GPR149: variants seen among roughly 807,000 people sequenced by gnomAD.
GPR149 encodes the protein G protein-coupled receptor 149.
A neutral mutation model predicts 50.2 loss-of-function variants in GPR149; 50 were observed. That is an observed-to-expected ratio of 1.00 (90% CI 0.79 to 1.26). The LOEUF (loss-of-function observed/expected upper bound fraction) is 1.26, where lower values mean the gene tolerates loss of function less well. Among genes scored for constraint, GPR149 ranks in the 50% most tolerant of loss-of-function variants. The pLI, the probability that GPR149 is intolerant of heterozygous loss-of-function variation, is 0.00. For missense variants in GPR149, 983 were observed against 895.4 expected (o/e 1.10, Z -1.25); for synonymous variants, 405 against 358.2 (o/e 1.13, Z -1.48).
In GPR149 at chr3:154,428,672, A is replaced by C. The variant is rs1356828383; in HGVS notation, c.944T>G (p.Leu315Arg). The change falls in exon 1 of 4, where the codon CTA becomes CGA. Residue 315 changes from leucine to arginine, a missense_variant. Leu to Arg is a moderately radical substitution (Grantham distance 102, BLOSUM62 -2). Coordinates refer to ENST00000389740, the MANE Select transcript of GPR149 (RefSeq NM_001038705.3). ...SVAQKRFALI[L>R]ALTKVVLWLP... ...CCAAAGGACGACTTTTGTAAGCGCT[A>C]GGATCAAAGCGAAGCGCTTCTGCGC... 2.5e-6 allele frequency: 4 copies of C among 1,613,358 alleles called. No individual in the cohort carries two copies. Among genetic ancestry groups the C allele is most frequent in the Non-Finnish European group, 2.5e-6 (3 of 1,179,868 alleles).
At position 154,429,999 on chromosome 3, in the gene GPR149, A is replaced by T. The variant is rs1712439938; in HGVS notation, c.-384T>A. On this transcript the variant is annotated 5_prime_UTR_variant, in exon 1 of 4. It adds an upstream start codon to the 5' untranslated region. Transcript: ENST00000389740. ...CCTTTGGGGTCCTTCTTATGGAGCAAAGCAGCTTGTAGCTTGAGATAATCA... is the reference window on the plus strand; with the variant it reads ...CCTTTGGGGTCCTTCTTATGGAGCATAGCAGCTTGTAGCTTGAGATAATCA... Among the ~76,000 whole-genome samples, 1 of 152,166 alleles carries T rather than the reference A, an allele frequency of 6.6e-6. No individual in the cohort carries two copies. Among genetic ancestry groups the T allele is most frequent in the African/African-American group, 2.4e-5 (1 of 41,452 alleles).
chr3:154,397,605 T>C (rs977637102), intron 3 of GPR149, among the ~76,000 whole-genome samples: 1 of 152,176 alleles, frequency 6.6e-6, no homozygotes, highest in African/African-American at 2.4e-5. Flanking sequence ...ATTGTATCTA[T>C]ATGTTGAAAA....
chr3:154,353,313 A>G (rs1714131649), intron 3 of GPR149: 8 of 1,433,616 alleles, frequency 5.6e-6, no homozygotes, highest in Non-Finnish European at 7.9e-6. Flanking sequence ...TCTGGATTTC[A>G]TGTATTTATT....
At chr3:154,368,396 T>A (rs1333789185) in intron 3 of GPR149, among the ~76,000 whole-genome samples, 1 of 152,220 alleles carries the variant, frequency 6.6e-6, no homozygotes, top group East Asian at 1.9e-4. Flanking sequence ...GTTTGATGGC[T>A]ATTTTAAAGG....
At chr3:154,400,434 G>T (rs1711526543) in intron 3 of GPR149, among the ~76,000 whole-genome samples, 1 of 152,148 alleles carries the variant, frequency 6.6e-6, no homozygotes, top group Non-Finnish European at 1.5e-5. Context: ...CTCGAAGAGG[G>T]TCTTAGTATC....
At chr3:154,341,424 A>G (rs1409320192) in intron 3 of GPR149, among the ~76,000 whole-genome samples, 1 of 148,502 alleles carries the variant, frequency 6.7e-6, no homozygotes, top group African/African-American at 2.5e-5. Context: ...AATCTAAAAA[A>G]ATTAGAGAGT....
chr3:154,361,611 C>A (rs1195816378), intron 3 of GPR149, among the ~76,000 whole-genome samples: 1 of 152,036 alleles, frequency 6.6e-6, no homozygotes, highest in Non-Finnish European at 1.5e-5. Context: ...CTTTTGTTTT[C>A]AAAAATTTTG....
chr3:154,394,000 G>C (rs1213360280), intron 3 of GPR149, among the ~76,000 whole-genome samples: 1 of 151,880 alleles, frequency 6.6e-6, no homozygotes, highest in Non-Finnish European at 1.5e-5. Context: ...AAGCAATGTA[G>C]AGACTCAATG....
chr3:154,359,117 GT>G (rs556474899), intron 3 of GPR149, among the ~76,000 whole-genome samples: 3 of 151,092 alleles, frequency 2.0e-5, no homozygotes, highest in South Asian at 2.1e-4. Context: ...TTTCTTCTCA[GT>G]TTTTTTTTGT....
In GPR149 at chr3:154,428,893, G is replaced by A. The variant is rs552356081; in HGVS notation, c.723C>T (p.Thr241=). ...EISRGASIPG[T]PPTAGRVVSL... ...AAACCACTCTCCCCGCAGTAGGAGG[G>A]GTCCCAGGAATTGAAGCTCCACGGG... Residue 241 remains threonine (T), a synonymous_variant, in exon 1 of 4, where the codon ACC becomes ACT. Coordinates refer to ENST00000389740, the MANE Select transcript of GPR149 (RefSeq NM_001038705.3). 19 of 1,614,030 alleles carry A rather than the reference G, an allele frequency of 1.2e-5. No individual in the cohort carries two copies. The Admixed American group carries it at 1.3e-4, about 11-fold the overall frequency.
chr3:154,338,650 A>T (rs188572173), intron 3 of GPR149, among the ~76,000 whole-genome samples: 9 of 152,348 alleles, frequency 5.9e-5, no homozygotes, highest in African/African-American at 2.2e-4. Context: ...CAGTTACATT[A>T]AAACGTTTGC....
At chr3:154,348,896 G>A (rs1347443933) in intron 3 of GPR149, among the ~76,000 whole-genome samples, 1 of 151,924 alleles carries the variant, frequency 6.6e-6, no homozygotes, top group Non-Finnish European at 1.5e-5. Flanking sequence ...ACAAACCCTA[G>A]GGAATTTAAA....
At chr3:154,374,381 C>T (rs1168701612) in intron 3 of GPR149, among the ~76,000 whole-genome samples, 35 of 151,798 alleles carry the variant, frequency 2.3e-4, no homozygotes, top group East Asian at 3.9e-4. Flanking sequence ...CCATGTTGGC[C>T]AGGTTGGTAT....
chr3:154,353,530 G>T, intron 3 of GPR149: 1 of 921,148 alleles, frequency 1.1e-6, no homozygotes, highest in South Asian at 1.3e-5. Context: ...TCTTTGATAT[G>T]ACCAGGGGTT....
intron 3 of GPR149, among the ~76,000 whole-genome samples, chr3:154,368,479 A>T (rs1361490108): frequency 2.6e-5 from 4 of 152,214 alleles, no homozygotes; most frequent in Admixed American, 2.6e-4. Context: ...TTTTCATGTG[A>T]ATAGTAAAAA....
chr3:154,374,415 C>T (rs756324422), intron 3 of GPR149, among the ~76,000 whole-genome samples: 3 of 151,810 alleles, frequency 2.0e-5, no homozygotes, highest in African/African-American at 7.3e-5. Flanking sequence ...TCAAGTGATC[C>T]GCCCACCTTG....
At chr3:154,383,497 A>G (rs1714977741) in intron 3 of GPR149, among the ~76,000 whole-genome samples, 1 of 152,100 alleles carries the variant, frequency 6.6e-6, no homozygotes, top group African/African-American at 2.4e-5. Flanking sequence ...TGCTTGCCAT[A>G]TCGAAGTAGT....
At chr3:154,374,230 A>G (rs1408875767) in intron 3 of GPR149, among the ~76,000 whole-genome samples, 1 of 128,146 alleles carries the variant, frequency 7.8e-6, no homozygotes, top group East Asian at 2.3e-4. Context: ...GCTGGAGTGC[A>G]GCGGCACAAT....
In GPR149 at chr3:154,429,856, C is replaced by G. The variant is rs1222458702; in HGVS notation, c.-241G>C. On this transcript the variant is annotated 5_prime_UTR_variant, in exon 1 of 4. It removes an upstream start codon present in the reference 5' UTR. Coordinates refer to ENST00000389740, the MANE Select transcript of GPR149 (RefSeq NM_001038705.3). ...AAAACCCGAACAGATAACTTTTCAA[C>G]ATTCCAATTAAAAACAAAGCAAAAA... 2 of 388,110 alleles carry G rather than the reference C, an allele frequency of 5.2e-6. No homozygotes were observed. The highest frequency in any genetic ancestry group is 9.1e-6 in the Non-Finnish European group (2 of 220,812). 24.0% of individuals were successfully genotyped at this position (388,110 alleles called of 1,614,324 possible). A position where few individuals can be genotyped will look rare whatever the true frequency, so the allele number is the denominator to read the frequency against.
Sources: gnomAD v4.1 joint callset for allele counts (sites outside exome capture counted in the v4.1 genomes callset) on GRCh38, gnomAD v4.1.1 for gene constraint, MANE v1.5 for transcripts, NCBI Gene and HGNC (gene_info 2026-07-23, HGNC 2026-07-21) for gene names.